Variants in ARHGEF38 observed in about 807,000 individuals in gnomAD.
The protein encoded by ARHGEF38 is Rho guanine nucleotide exchange factor 38.
A neutral mutation model predicts 79.9 loss-of-function variants in ARHGEF38; 79 were observed. The ratio of observed to expected loss-of-function variants is 0.99; its 90% CI spans 0.82 to 1.19. The LOEUF is 1.19. Ranked by LOEUF, ARHGEF38 falls within the 50% of genes most tolerant of loss-of-function variation. The probability of loss-of-function intolerance (pLI) is 0.00; values close to 1 mark genes in which losing one functional copy is unlikely to be tolerated. For missense variants in ARHGEF38, 962 were observed against 907.2 expected (o/e 1.06, Z -0.78); for synonymous variants, 366 against 328.3 (o/e 1.11, Z -1.24).
intron 2 of ARHGEF38, among the ~76,000 whole-genome samples, chr4:105,596,278 A>C (rs1472650285): frequency 6.6e-6 from 1 of 152,118 alleles, no homozygotes; most frequent in Non-Finnish European, 1.5e-5. Flanking sequence ...GGAGTTAGGG[A>C]GGGAAAATTC....
chr4:105,669,077 G>A (rs1730869587), intron 13 of ARHGEF38, among the ~76,000 whole-genome samples: 1 of 151,906 alleles, frequency 6.6e-6, no homozygotes, highest in South Asian at 2.1e-4. Flanking sequence ...TAAAAGTAAT[G>A]GTTTTTAGTC....
At chr4:105,615,201 T>C (rs2110494795) in intron 3 of ARHGEF38, among the ~76,000 whole-genome samples, 1 of 152,068 alleles carries the variant, frequency 6.6e-6, no homozygotes, top group Middle Eastern at 3.4e-3. Context: ...AAGTGCAGAG[T>C]AGGGACTGGC....
chr4:105,557,568 G>A (rs1188474851), intron 1 of ARHGEF38, among the ~76,000 whole-genome samples: 1 of 148,234 alleles, frequency 6.7e-6, no homozygotes, highest in African/African-American at 2.5e-5. Flanking sequence ...TATTGAGGGT[G>A]AAGCTTTGGT....
chr4:105,664,506 A>G (rs1357452092), intron 10 of ARHGEF38, among the ~76,000 whole-genome samples: 2 of 152,176 alleles, frequency 1.3e-5, no homozygotes, highest in East Asian at 1.9e-4. Context: ...TACATTTGCT[A>G]TAGTCAGACA....
In ARHGEF38 at chr4:105,679,903, T is replaced by C. The variant is rs1347692243; in HGVS notation, c.*1966T>C. 2.3e-5 allele frequency: 33 copies of C among 1,431,146 alleles called. No homozygotes were observed. Among genetic ancestry groups the C allele is most frequent in the Middle Eastern group, 2.3e-4 (1 of 4,280 alleles). The allele number at this position is 1,431,146 out of a possible 1,614,324, so 88.7% of individuals were successfully genotyped here. A position where few individuals can be genotyped will look rare whatever the true frequency, so the allele number is the denominator to read the frequency against. On this transcript the variant is annotated 3_prime_UTR_variant, in exon 14 of 14. Coordinates refer to ENST00000420470, the MANE Select transcript of ARHGEF38 (RefSeq NM_001242729.2). Reference sequence around the variant, plus strand: ...CCAAACCACGAGGAGCCACATTGGTTGCCACCAAAACTTTATAATTACCTC... The same window carrying C: ...CCAAACCACGAGGAGCCACATTGGTCGCCACCAAAACTTTATAATTACCTC...
chr4:105,594,244 T>G (rs1727472595), intron 2 of ARHGEF38, among the ~76,000 whole-genome samples: 1 of 152,168 alleles, frequency 6.6e-6, no homozygotes. Flanking sequence ...AGTGCTGAGG[T>G]AGTTAGTTGA....
At chr4:105,674,971 A>G (rs1479729405) in intron 13 of ARHGEF38, among the ~76,000 whole-genome samples, 1 of 152,180 alleles carries the variant, frequency 6.6e-6, no homozygotes, top group Non-Finnish European at 1.5e-5. Flanking sequence ...ATAAAAGATG[A>G]TTACCAACCA....
At chr4:105,631,976 C>T (rs1296344083) in intron 4 of ARHGEF38, among the ~76,000 whole-genome samples, 1 of 152,082 alleles carries the variant, frequency 6.6e-6, no homozygotes, top group African/African-American at 2.4e-5. Flanking sequence ...CCCGTCTGAT[C>T]CTGTAGCACA....
intron 1 of ARHGEF38, among the ~76,000 whole-genome samples, chr4:105,585,821 T>A (rs770971420): frequency 1.5e-5 from 2 of 133,754 alleles, no homozygotes; most frequent in Non-Finnish European, 3.1e-5. Flanking sequence ...AATCTCCGCC[T>A]GGTGGGTTCA....
At chr4:105,565,560 T>C (rs755717512) in intron 1 of ARHGEF38, among the ~76,000 whole-genome samples, 2 of 152,086 alleles carry the variant, frequency 1.3e-5, no homozygotes, top group Admixed American at 1.3e-4. Flanking sequence ...AACTGTATAT[T>C]GAATTATGGG....
Position 105,649,208 on chromosome 4 carries a change from C to T in ARHGEF38, c.1008+526C>T, listed in dbSNP as rs576366216. Among the ~76,000 whole-genome samples the T allele has an allele frequency of 3.5e-4, 53 of 152,264 alleles. No individual in the cohort carries two copies. In the South Asian group the frequency reaches 6.2e-3, roughly 18 times the overall value. On this transcript the variant is annotated intron_variant, in intron 7 of 13. Coordinates refer to ENST00000420470, the MANE Select transcript of ARHGEF38 (RefSeq NM_001242729.2). Reference sequence around the variant, plus strand: ...TTCCTCTTCCCTCACTCCCCAGATGCACATTATATTAGTGAGTAACAGTCC... The same window carrying T: ...TTCCTCTTCCCTCACTCCCCAGATGTACATTATATTAGTGAGTAACAGTCC...
intron 5 of ARHGEF38, among the ~76,000 whole-genome samples, chr4:105,641,478 A>T (rs28579777): frequency 0.027 from 4,128 of 152,138 alleles, 166 homozygotes; most frequent in African/African-American, 0.092. Context: ...AATGCTGTTT[A>T]TTTGTGTAAC....
rs761691721 is a variant in ARHGEF38 at position 105,655,680 on chromosome 4, T to C, written c.1191T>C (p.Tyr397=). 57 of 1,535,714 alleles carry C rather than the reference T, an allele frequency of 3.7e-5. No homozygotes were observed. In the South Asian group the frequency reaches 6.5e-4, roughly 18 times the overall value. The change falls in exon 9 of 14, where the codon TAT becomes TAC. Residue 397 remains tyrosine (Y), a synonymous_variant. Transcript: ENST00000420470. ...ACAACAAAGACGATGAGATGGACTA[T>C]TCTGAGACCCTAAGTAATGCCTTAA... ...ISYNKDDEMD[Y]SETLSNALNS...
At chr4:105,624,541 G>GT (rs547045983) in intron 3 of ARHGEF38, among the ~76,000 whole-genome samples, 1 of 152,180 alleles carries the variant, frequency 6.6e-6, no homozygotes, top group Non-Finnish European at 1.5e-5. Flanking sequence ...CACAGCAGCA[G>GT]TTTTATCCCC....
At chr4:105,633,794 A>G (rs1220128730) in intron 4 of ARHGEF38, among the ~76,000 whole-genome samples, 1 of 152,222 alleles carries the variant, frequency 6.6e-6, no homozygotes, top group Admixed American at 6.5e-5. Context: ...CACAAACCCT[A>G]GTTGAGGAGA....
chr4:105,664,444 T>A (rs140595710), intron 10 of ARHGEF38, among the ~76,000 whole-genome samples: 1 of 152,220 alleles, frequency 6.6e-6, no homozygotes, highest in Non-Finnish European at 1.5e-5. Context: ...TTAGGTATAA[T>A]ACATTCCACT....
At chr4:105,676,996 C>T (rs1201236686) in intron 13 of ARHGEF38, among the ~76,000 whole-genome samples, 1 of 151,478 alleles carries the variant, frequency 6.6e-6, no homozygotes, top group African/African-American at 2.4e-5. Flanking sequence ...CAGAGTCTCA[C>T]TCCGTCGCCC....
intron 1 of ARHGEF38, among the ~76,000 whole-genome samples, chr4:105,568,085 A>T (rs1726027657): frequency 6.6e-6 from 1 of 150,474 alleles, no homozygotes; most frequent in African/African-American, 2.4e-5. Context: ...TTCCAATTTC[A>T]TCCATGTCCC....
chr4:105,568,835 G>A (rs891243683), intron 1 of ARHGEF38, among the ~76,000 whole-genome samples: 7 of 152,230 alleles, frequency 4.6e-5, no homozygotes, highest in Non-Finnish European at 8.8e-5. Flanking sequence ...GAGAACAAAC[G>A]AATACATACT....
Sources: allele counts gnomAD v4.1 joint callset (sites outside exome capture counted in the v4.1 genomes callset), GRCh38; gene constraint gnomAD v4.1.1; transcripts MANE v1.5; gene names NCBI Gene and HGNC (gene_info 2026-07-23, HGNC 2026-07-21).